DOK5: variants seen among roughly 807,000 people sequenced by gnomAD.
DOK5 encodes the protein downstream of tyrosine kinase 5.
DOK5 carries 27 observed loss-of-function variants against 43.3 expected under a neutral mutation model. That is an observed-to-expected ratio of 0.62 (90% CI 0.46 to 0.86). The LOEUF (loss-of-function observed/expected upper bound fraction) is 0.86, where lower values mean the gene tolerates loss of function less well. DOK5 is among the 40% of genes least tolerant of loss of function. The probability of loss-of-function intolerance (pLI) is 0.00; values close to 1 mark genes in which losing one functional copy is unlikely to be tolerated. For missense variants in DOK5, 373 were observed against 392.9 expected (o/e 0.95, Z 0.43); for synonymous variants, 146 against 140.1 (o/e 1.04, Z -0.30).
intron 1 of DOK5, among the ~76,000 whole-genome samples, chr20:54,538,408 G>T (rs1234203359): frequency 6.6e-6 from 1 of 152,044 alleles, no homozygotes; most frequent in Non-Finnish European, 1.5e-5. Context: ...TCAAGACACT[G>T]TCAGATGAAA....
intron 6 of DOK5, among the ~76,000 whole-genome samples, chr20:54,615,898 T>TTA (rs111274477): frequency 0.3 from 42,527 of 142,278 alleles, 6,789 homozygotes; most frequent in African/African-American, 0.46. Flanking sequence ...AGACTCCATC[T>TTA]CAAAAAAAAA....
chr20:54,610,487 G>T lies in DOK5; in HGVS notation c.699G>T (p.Gln233His). 6.4e-7 allele frequency: 1 copy of T among 1,556,582 alleles called. No individual in the cohort carries two copies. Among genetic ancestry groups the T allele is most frequent in the East Asian group, 2.4e-5 (1 of 42,516 alleles). The change falls in exon 6 of 8, where the codon CAG (glutamine) becomes CAT (histidine). Residue 233 changes from glutamine to histidine, a missense_variant. Coordinates refer to ENST00000262593, the MANE Select transcript of DOK5 (RefSeq NM_018431.5). ...VHSAALAIAE[Q>H]HERLLQSVKN... is the part of the protein sequence containing the mutation. The stretch of plus-strand genomic sequence containing the variant: ...CTGCTGCCTTGGCCATAGCCGAGCA[G>T]CACGAGCGCTTGCTACAGAGTGTGA...
At chr20:54,588,858 T>C in intron 4 of DOK5, 52 bp downstream of exon 4, 3 of 1,596,402 alleles carry the variant, frequency 1.9e-6, no homozygotes, top group African/African-American at 1.3e-5. Flanking sequence ...TCTGTCTCCA[T>C]ATGATAAAAC....
chr20:54,488,986 G>A (rs1384850471), intron 1 of DOK5, among the ~76,000 whole-genome samples: 1 of 152,060 alleles, frequency 6.6e-6, no homozygotes, highest in Non-Finnish European at 1.5e-5. Flanking sequence ...TTGATTGAAT[G>A]GATGAATGGT....
rs746871266 is a variant in DOK5, at chr20:54,650,490, C to T, written c.*11C>T. 3.1e-6 allele frequency: 5 copies of T among 1,613,438 alleles called. No homozygotes were observed. Among genetic ancestry groups the T allele is most frequent in the Non-Finnish European group, 4.2e-6 (5 of 1,179,632 alleles). ...AGATCTGAGCACTGACAGTAACTGC[C>T]AAGAATTGTTAACACACTTGTGATG... On this transcript the variant is annotated 3_prime_UTR_variant, in exon 8 of 8. Transcript: ENST00000262593.
intron 4 of DOK5, among the ~76,000 whole-genome samples, chr20:54,590,729 T>C (rs1397694618): frequency 6.6e-6 from 1 of 152,188 alleles, no homozygotes; most frequent in Admixed American, 6.5e-5. Flanking sequence ...ACAATGTATT[T>C]AGAATACCAC....
intron 1 of DOK5, among the ~76,000 whole-genome samples, chr20:54,518,514 C>T (rs1983280574): frequency 6.6e-6 from 1 of 152,088 alleles, no homozygotes; most frequent in African/African-American, 2.4e-5. Context: ...TTTCTTAATC[C>T]AGTCTATCAT....
At chr20:54,574,013 A>G (rs532708168) in intron 2 of DOK5, among the ~76,000 whole-genome samples, 21 of 152,188 alleles carry the variant, frequency 1.4e-4, no homozygotes, top group Non-Finnish European at 2.4e-4. Flanking sequence ...AGTGCCATCC[A>G]ACATAATCAC....
chr20:54,568,228 C>G (rs1363732372), intron 2 of DOK5, among the ~76,000 whole-genome samples: 1 of 152,204 alleles, frequency 6.6e-6, no homozygotes, highest in Non-Finnish European at 1.5e-5. Context: ...CAAAACCAAA[C>G]TTTACTTATG....
At chr20:54,514,256 C>G (rs1223157467) in intron 1 of DOK5, among the ~76,000 whole-genome samples, 1 of 152,120 alleles carries the variant, frequency 6.6e-6, no homozygotes, top group Non-Finnish European at 1.5e-5. Context: ...TTTCATTATT[C>G]TGAATAATTC....
chr20:54,508,642 G>A (rs557359703), intron 1 of DOK5, among the ~76,000 whole-genome samples: 9 of 152,108 alleles, frequency 5.9e-5, no homozygotes, highest in South Asian at 4.2e-4. Context: ...GTGCAATGGC[G>A]CGATCTTGGC....
chr20:54,571,839 A>G lies in DOK5; in HGVS notation c.175-16644A>G, dbSNP rs1052780174. Reference sequence around the variant, plus strand: ...GTCCGTCTGCTCCAGCCTCATGCTCATCAGTTTCCTGTTGCCAACTTCCTC... The same window carrying G: ...GTCCGTCTGCTCCAGCCTCATGCTCGTCAGTTTCCTGTTGCCAACTTCCTC... On this transcript the variant is annotated intron_variant, in intron 2 of 7. Coordinates refer to ENST00000262593, the MANE Select transcript of DOK5 (RefSeq NM_018431.5). 2.8e-4 allele frequency among the ~76,000 whole-genome samples: 42 copies of G among 152,274 alleles called. 1 individual carries two copies. The highest frequency in any genetic ancestry group is 9.1e-4 in the African/African-American group (38 of 41,560).
chr20:54,649,164 T>TA (rs1217478244), intron 7 of DOK5, among the ~76,000 whole-genome samples: 1 of 152,148 alleles, frequency 6.6e-6, no homozygotes, highest in East Asian at 1.9e-4. Flanking sequence ...GACTATGGTC[T>TA]CCATTTCAAT....
chr20:54,538,036 A>G (rs1232135479), intron 1 of DOK5, among the ~76,000 whole-genome samples: 4 of 151,566 alleles, frequency 2.6e-5, no homozygotes, highest in Admixed American at 2.6e-4. Context: ...ACGGGGTTTC[A>G]CCATGTTGGT....
At chr20:54,639,126 G>A (rs936200920) in intron 6 of DOK5, among the ~76,000 whole-genome samples, 19 of 152,282 alleles carry the variant, frequency 1.2e-4, no homozygotes, top group African/African-American at 4.6e-4. Flanking sequence ...ACCTTAAGCT[G>A]GATAGGAAAA....
At chr20:54,573,244 C>T (rs565316327) in intron 2 of DOK5, among the ~76,000 whole-genome samples, 21 of 152,002 alleles carry the variant, frequency 1.4e-4, no homozygotes, top group Non-Finnish European at 2.8e-4. Context: ...GAGCCAATGG[C>T]GTAGCTAGAG....
chr20:54,568,028 C>G (rs1985152039), intron 2 of DOK5, among the ~76,000 whole-genome samples: 1 of 152,144 alleles, frequency 6.6e-6, no homozygotes, highest in Admixed American at 6.5e-5. Context: ...AGTTTTCTCT[C>G]CTACCCCACA....
At chr20:54,516,190 A>C (rs1983191286) in intron 1 of DOK5, among the ~76,000 whole-genome samples, 1 of 152,206 alleles carries the variant, frequency 6.6e-6, no homozygotes, top group South Asian at 2.1e-4. Context: ...TTATAGTGGG[A>C]AGAGAAACTA....
chr20:54,595,198 G>A (rs978994119), intron 5 of DOK5, among the ~76,000 whole-genome samples: 12 of 152,076 alleles, frequency 7.9e-5, no homozygotes, highest in Non-Finnish European at 1.6e-4. Context: ...AAAATTAGCC[G>A]GGCGTGGTAG....
Sources: gnomAD v4.1 joint callset for allele counts (sites outside exome capture counted in the v4.1 genomes callset) on GRCh38, gnomAD v4.1.1 for gene constraint, MANE v1.5 for transcripts, NCBI Gene and HGNC (gene_info 2026-07-23, HGNC 2026-07-21) for gene names.